The following HS6ST3 variants were observed in gnomAD, a reference collection of about 807,000 sequenced individuals.
HS6ST3 encodes heparan-sulfate 6-O-sulfotransferase 3.
HS6ST3 carries 12 observed loss-of-function variants against 36.7 expected under a neutral mutation model. That is an observed-to-expected ratio of 0.33 (90% CI 0.21 to 0.53). The LOEUF (loss-of-function observed/expected upper bound fraction) is 0.53. HS6ST3 is among the 20% of genes least tolerant of loss of function. HS6ST3 has a pLI of 0.95. For missense variants in HS6ST3, 584 were observed against 640.9 expected, an observed-to-expected ratio of 0.91 and a Z score of 0.96; for synonymous variants, 240 against 257.5, an observed-to-expected ratio of 0.93 and a Z score of 0.65.
At position 96,161,714 on chromosome 13, in the gene HS6ST3, TA is replaced by T. The variant is rs1481464166; in HGVS notation, c.707+70149del. 1.1e-4 allele frequency among the ~76,000 whole-genome samples: 16 copies of T among 152,176 alleles called. No individual in the cohort carries two copies. In the East Asian group the frequency reaches 3.1e-3, roughly 29 times the overall value. Reference sequence around the variant, plus strand: ...GAGAAATATTTAAAAGGAATGATTATAAAACCAACAAATTCATATCTGTGCT... The same window carrying T: ...GAGAAATATTTAAAAGGAATGATTATAAACCAACAAATTCATATCTGTGCT... On this transcript the variant is annotated intron_variant, in intron 1 of 1. Transcript: ENST00000376705.
At chr13:96,389,115 G>T (rs1021082370) in intron 1 of HS6ST3, among the ~76,000 whole-genome samples, 1 of 152,164 alleles carries the variant, frequency 6.6e-6, no homozygotes, top group Non-Finnish European at 1.5e-5. Flanking sequence ...TAGTTTAAAA[G>T]TATAGACTAT....
At chr13:96,773,781 G>A (rs1328261323) in intron 1 of HS6ST3, among the ~76,000 whole-genome samples, 1 of 152,202 alleles carries the variant, frequency 6.6e-6, no homozygotes, top group African/African-American at 2.4e-5. Flanking sequence ...CTGCCTGCCA[G>A]CTCTGAAGAG....
chr13:96,566,146 T>G (rs2056280396), intron 1 of HS6ST3, among the ~76,000 whole-genome samples: 1 of 151,206 alleles, frequency 6.6e-6, no homozygotes, highest in Non-Finnish European at 1.5e-5. Flanking sequence ...GAGAGAAAAT[T>G]AAAGAAATTT....
intron 1 of HS6ST3, among the ~76,000 whole-genome samples, chr13:96,237,607 T>C (rs1317669040): frequency 1.3e-5 from 2 of 152,222 alleles, no homozygotes; most frequent in African/African-American, 4.8e-5. Context: ...ATTTTCTTAG[T>C]GATCACTGTC....
intron 1 of HS6ST3, among the ~76,000 whole-genome samples, chr13:96,732,317 T>C (rs1876176347): frequency 6.6e-6 from 1 of 152,230 alleles, no homozygotes; most frequent in South Asian, 2.1e-4. Flanking sequence ...GTCTGACATT[T>C]AAGTCTTCAG....
At chr13:96,818,211 TA>T (rs1878461716) in intron 1 of HS6ST3, among the ~76,000 whole-genome samples, 1 of 152,192 alleles carries the variant, frequency 6.6e-6, no homozygotes, top group Non-Finnish European at 1.5e-5. Flanking sequence ...CTGGGAGACT[TA>T]AATTATCATG....
At chr13:96,164,343 C>T (rs1442631849) in intron 1 of HS6ST3, among the ~76,000 whole-genome samples, 1 of 151,970 alleles carries the variant, frequency 6.6e-6, no homozygotes, top group African/African-American at 2.4e-5. Context: ...CACTTGAGGC[C>T]AGGAGTTTGA....
chr13:96,662,757 A>C (rs1239813461), intron 1 of HS6ST3, among the ~76,000 whole-genome samples: 1 of 151,824 alleles, frequency 6.6e-6, no homozygotes, highest in African/African-American at 2.4e-5. Flanking sequence ...ATCATTTTTT[A>C]ATTTTGAATT....
chr13:96,260,775 G>A (rs954243682), intron 1 of HS6ST3, among the ~76,000 whole-genome samples: 2 of 152,002 alleles, frequency 1.3e-5, no homozygotes, highest in Non-Finnish European at 2.9e-5. Flanking sequence ...AAGTAGCTGG[G>A]ACTACAGGCA....
intron 1 of HS6ST3, among the ~76,000 whole-genome samples, chr13:96,152,926 T>C (rs558331429): frequency 1.3e-5 from 2 of 152,302 alleles, no homozygotes; most frequent in African/African-American, 4.8e-5. Flanking sequence ...CTGTACACTT[T>C]TCTATATCCT....
At chr13:96,142,033 CAAAAAAAA>C (rs3084964) in intron 1 of HS6ST3, among the ~76,000 whole-genome samples, 2 of 101,142 alleles carry the variant, frequency 2.0e-5, no homozygotes, top group Admixed American at 1.0e-4. Context: ...GTGGTCATGG[CAAAAAAAA>C]AAAAAAAAAA....
In HS6ST3 at chr13:96,144,759, T is replaced by G. The variant is rs558549869; in HGVS notation, c.707+53190T>G. Among the ~76,000 whole-genome samples the G allele has an allele frequency of 3.9e-3, 581 of 150,312 alleles. 1 individual carries two copies. Among genetic ancestry groups the G allele is most frequent in the Non-Finnish European group, 6.1e-3 (412 of 67,442 alleles). On this transcript the variant is annotated intron_variant, in intron 1 of 1. Transcript: ENST00000376705. ...CACCCATTAACTCGTCATTTAGCATTAGGTATATCACCTAATGCTCTCCCT... is the reference window on the plus strand; with the variant it reads ...CACCCATTAACTCGTCATTTAGCATGAGGTATATCACCTAATGCTCTCCCT...
At chr13:96,710,296 C>T (rs1481627109) in intron 1 of HS6ST3, among the ~76,000 whole-genome samples, 1 of 152,240 alleles carries the variant, frequency 6.6e-6, no homozygotes, top group Non-Finnish European at 1.5e-5. Flanking sequence ...AGGACCTAGG[C>T]TGCACTGGCC....
intron 1 of HS6ST3, among the ~76,000 whole-genome samples, chr13:96,784,387 C>G (rs1431545439): frequency 1.3e-5 from 2 of 151,960 alleles, no homozygotes; most frequent in Admixed American, 6.6e-5. Flanking sequence ...TTTTATTTTT[C>G]TTAGCTGAGA....
chr13:96,809,785 G>T (rs1878276184), intron 1 of HS6ST3, among the ~76,000 whole-genome samples: 1 of 152,194 alleles, frequency 6.6e-6, no homozygotes, highest in Non-Finnish European at 1.5e-5. Context: ...TTTCCATGCT[G>T]GCTGTAACTT....
At chr13:96,807,491 T>C (rs1046380208) in intron 1 of HS6ST3, among the ~76,000 whole-genome samples, 5 of 152,164 alleles carry the variant, frequency 3.3e-5, no homozygotes, top group South Asian at 2.1e-4. Context: ...GAATGCCATA[T>C]GAAACGAAGG....
chr13:96,259,819 AG>A (rs1566304230), intron 1 of HS6ST3, among the ~76,000 whole-genome samples: 5 of 152,166 alleles, frequency 3.3e-5, no homozygotes, highest in Admixed American at 2.0e-4. Flanking sequence ...TCTCTGTCAG[AG>A]AAAGAGTAGT....
intron 1 of HS6ST3, among the ~76,000 whole-genome samples, chr13:96,447,862 T>C (rs2055706977): frequency 6.6e-6 from 1 of 152,148 alleles, no homozygotes; most frequent in Non-Finnish European, 1.5e-5. Flanking sequence ...CTTCCTTCTG[T>C]CTTCTCCCTT....
intron 1 of HS6ST3, among the ~76,000 whole-genome samples, chr13:96,264,731 A>C (rs1365446779): frequency 6.6e-6 from 1 of 152,196 alleles, no homozygotes; most frequent in African/African-American, 2.4e-5. Flanking sequence ...GAGGTTTTGC[A>C]GCTCTCCAAA....
Sources: gnomAD v4.1 joint callset for allele counts (sites outside exome capture counted in the v4.1 genomes callset) on GRCh38, gnomAD v4.1.1 for gene constraint, MANE v1.5 for transcripts, NCBI Gene and HGNC (gene_info 2026-07-23, HGNC 2026-07-21) for gene names.